The following RIMS2 variants were observed in gnomAD, a reference collection of about 807,000 sequenced individuals.
RIMS2 encodes the protein regulating synaptic membrane exocytosis protein 2.
In RIMS2, 59 loss-of-function variants were observed where a neutral mutation model predicts 174.4. That is an observed-to-expected ratio of 0.34 (90% CI 0.27 to 0.42). RIMS2 has a LOEUF of 0.42. Ranked by LOEUF, RIMS2 falls within the 10% of genes least tolerant of loss-of-function variation. The pLI, the probability that RIMS2 is intolerant of heterozygous loss-of-function variation, is 1.00. For missense variants in RIMS2, 1,620 were observed against 1,666.3 expected, an observed-to-expected ratio of 0.97 and a Z score of 0.48; for synonymous variants, 606 against 572.5, an observed-to-expected ratio of 1.06 and a Z score of -0.84.
intron 2 of RIMS2, among the ~76,000 whole-genome samples, chr8:103,729,681 T>C (rs532241458): frequency 1.3e-5 from 2 of 152,282 alleles, no homozygotes; most frequent in East Asian, 3.9e-4. Flanking sequence ...TATTCGTTTA[T>C]TGCTATGAAC....
At chr8:103,877,224 T>C (rs1475671085) in intron 3 of RIMS2, among the ~76,000 whole-genome samples, 3 of 151,942 alleles carry the variant, frequency 2.0e-5, no homozygotes, top group African/African-American at 7.2e-5. Flanking sequence ...TTTTTTGATA[T>C]TTTGATTATG....
intron 4 of RIMS2, among the ~76,000 whole-genome samples, chr8:103,895,658 T>G (rs1489052809): frequency 4.0e-5 from 6 of 151,596 alleles, no homozygotes; most frequent in Non-Finnish European, 7.4e-5. Context: ...TTATGAGTAA[T>G]GTTTCCCTAT....
chr8:104,253,676 C>T (rs1301962017), downstream of RIMS2: 1 of 152,096 alleles, frequency 6.6e-6, no homozygotes, highest in Non-Finnish European at 1.5e-5. Flanking sequence ...TGTAATAAAC[C>T]ACCCATGGTT....
chr8:103,588,431 A>G (rs188752258), intron 1 of RIMS2, among the ~76,000 whole-genome samples: 4 of 152,106 alleles, frequency 2.6e-5, no homozygotes, highest in African/African-American at 9.6e-5. Context: ...ATGGAACCAT[A>G]AAAGACCCAG....
intron 19 of RIMS2, among the ~76,000 whole-genome samples, chr8:104,036,893 T>TA (rs1488829012): frequency 6.6e-6 from 1 of 151,914 alleles, no homozygotes; most frequent in Non-Finnish European, 1.5e-5. Context: ...AAAAAGTAAA[T>TA]AAAAAATAAC....
At chr8:103,541,986 A>G (rs1459752902) in intron 1 of RIMS2, among the ~76,000 whole-genome samples, 1 of 152,154 alleles carries the variant, frequency 6.6e-6, no homozygotes, top group Non-Finnish European at 1.5e-5. Context: ...CACTACAGAA[A>G]ATAATCTAAT....
intron 3 of RIMS2, among the ~76,000 whole-genome samples, chr8:103,808,008 C>G (rs1210902025): frequency 6.6e-6 from 1 of 151,852 alleles, no homozygotes; most frequent in Non-Finnish European, 1.5e-5. Flanking sequence ...TACCTTTCAC[C>G]AAAGGAGGAA....
chr8:104,219,651 C>T (rs929176399), intron 19 of RIMS2, among the ~76,000 whole-genome samples: 9 of 151,786 alleles, frequency 5.9e-5, no homozygotes, highest in African/African-American at 1.7e-4. Flanking sequence ...TATTCAAGGC[C>T]GTGTTTTGCT....
chr8:103,519,907 A>G (rs1830822579), intron 1 of RIMS2, among the ~76,000 whole-genome samples: 1 of 152,040 alleles, frequency 6.6e-6, no homozygotes, highest in South Asian at 2.1e-4. Context: ...TCTAAATCTA[A>G]TCAATTAAAA....
chr8:103,775,225 A>G (rs1458544276), intron 3 of RIMS2, among the ~76,000 whole-genome samples: 1 of 152,070 alleles, frequency 6.6e-6, no homozygotes, highest in Non-Finnish European at 1.5e-5. Flanking sequence ...CTCTTATTCA[A>G]AGTGGTCATC....
At chr8:104,072,113 C>T (rs10098533) in intron 19 of RIMS2, among the ~76,000 whole-genome samples, 86,183 of 151,972 alleles carry the variant, frequency 0.57, 27,302 homozygotes, top group East Asian at 0.92. Flanking sequence ...CACAACAAAG[C>T]ATTTCTTGAT....
intron 3 of RIMS2, among the ~76,000 whole-genome samples, chr8:103,798,301 A>C (rs2098569243): frequency 6.6e-6 from 1 of 152,212 alleles, no homozygotes; most frequent in South Asian, 2.1e-4. Flanking sequence ...CTACTTTTGT[A>C]CATTAACAAA....
intron 13 of RIMS2, among the ~76,000 whole-genome samples, chr8:103,937,796 A>G (rs761769947): frequency 3.3e-5 from 5 of 152,216 alleles, no homozygotes; most frequent in Admixed American, 6.5e-5. Context: ...AGACCAGGGC[A>G]TGTCCCTTAA....
intron 3 of RIMS2, among the ~76,000 whole-genome samples, chr8:103,850,065 T>C (rs1383121296): frequency 6.6e-6 from 1 of 152,012 alleles, no homozygotes; most frequent in Non-Finnish European, 1.5e-5. Flanking sequence ...GAAAACAATA[T>C]TGAATGTTGG....
chr8:103,638,480 TTATC>T (rs997791407), intron 1 of RIMS2, among the ~76,000 whole-genome samples: 9 of 152,088 alleles, frequency 5.9e-5, no homozygotes, highest in Non-Finnish European at 1.5e-5. Flanking sequence ...ATTTATTTAT[TTATC>T]TATATCAGTA....
At chr8:104,025,686 C>A (rs1465737236) in intron 19 of RIMS2, among the ~76,000 whole-genome samples, 1 of 148,364 alleles carries the variant, frequency 6.7e-6, no homozygotes, top group Admixed American at 6.8e-5. Flanking sequence ...TTATGATCAC[C>A]CTGAAGCAGT....
chr8:103,860,381 A>G (rs2099051940), intron 3 of RIMS2, among the ~76,000 whole-genome samples: 1 of 152,040 alleles, frequency 6.6e-6, no homozygotes, highest in Admixed American at 6.6e-5. Flanking sequence ...TTCTTCATGG[A>G]GTTGTTTGTG....
chr8:104,135,674 T>C (rs1384369288), intron 19 of RIMS2, among the ~76,000 whole-genome samples: 3 of 145,482 alleles, frequency 2.1e-5, no homozygotes, highest in Non-Finnish European at 4.5e-5. Flanking sequence ...AGAAGCAGCA[T>C]GTGGTAGGAT....
chr8:104,101,071 A>G (rs1396241144), intron 19 of RIMS2, among the ~76,000 whole-genome samples: 5 of 142,812 alleles, frequency 3.5e-5, no homozygotes, highest in East Asian at 3.9e-4. Context: ...TATATGTTAT[A>G]TATTATATTA....
Sources: allele counts gnomAD v4.1 joint callset (sites outside exome capture counted in the v4.1 genomes callset), GRCh38; gene constraint gnomAD v4.1.1; transcripts MANE v1.5; gene names NCBI Gene and HGNC (gene_info 2026-07-23, HGNC 2026-07-21).